RAPGEF1: variants seen among roughly 807,000 people sequenced by gnomAD.
The protein encoded by RAPGEF1 is Rap guanine nucleotide exchange factor 1.
RAPGEF1 carries 33 observed loss-of-function variants against 143.3 expected under a neutral mutation model. The observed-to-expected ratio is 0.23, with a 90% CI of 0.17 to 0.31. The LOEUF (loss-of-function observed/expected upper bound fraction) is 0.31. RAPGEF1 is among the 10% of genes least tolerant of loss of function. The pLI is 1.00. For synonymous variants in RAPGEF1, 629 were observed against 676.5 expected (o/e 0.93, Z 1.09); for missense variants, 1,199 against 1,645.4 (o/e 0.73, Z 4.69).
chr9:131,705,240 C>A (rs1340361089), intron 1 of RAPGEF1, among the ~76,000 whole-genome samples: 2 of 152,210 alleles, frequency 1.3e-5, no homozygotes, highest in African/African-American at 4.8e-5. Flanking sequence ...AGCAGGGAAA[C>A]TGCAGCCAGG....
chr9:131,649,724 C>T (rs1470748613), intron 3 of RAPGEF1, among the ~76,000 whole-genome samples: 2 of 152,190 alleles, frequency 1.3e-5, no homozygotes, highest in Non-Finnish European at 2.9e-5. Context: ...CTGCACTCCA[C>T]CAGCCTTGTG....
At chr9:131,579,809 T>C (rs1459036512) in intron 26 of RAPGEF1, among the ~76,000 whole-genome samples, 162 bp from the exon 27 acceptor site, 1 of 152,130 alleles carries the variant, frequency 6.6e-6, no homozygotes, top group Non-Finnish European at 1.5e-5. Context: ...GGGACACCAG[T>C]GCTCAGAGAC....
At chr9:131,733,978 AAC>A (rs1008137727) in intron 1 of RAPGEF1, among the ~76,000 whole-genome samples, 8 of 152,212 alleles carry the variant, frequency 5.3e-5, no homozygotes, top group African/African-American at 1.9e-4. Flanking sequence ...TTTTTCTAAA[AAC>A]ACACTTAGCT....
At position 131,605,063 on chromosome 9, in the gene RAPGEF1, G is replaced by C; in HGVS notation, c.2187C>G (p.Ser729Arg). The C allele has an allele frequency of 3.7e-6, 5 of 1,365,636 alleles. No individual in the cohort carries two copies. The highest frequency in any genetic ancestry group is 4.9e-6 in the Non-Finnish European group (5 of 1,021,558). 84.6% of individuals were successfully genotyped at this position (1,365,636 alleles called of 1,614,324 possible). ...PHFPPAHQSQ[S>R]SDLAVPTMAG... Reference sequence around the variant, plus strand: ...CCATGGTTGGCACGGCTAAGTCAGAGCTCTGAGACTGGTGGGCAGGTGGGA... The same window carrying C: ...CCATGGTTGGCACGGCTAAGTCAGACCTCTGAGACTGGTGGGCAGGTGGGA... The change falls in exon 13 of 27, where the codon AGC becomes AGG. Residue 729 changes from serine (S) to arginine (R), a missense_variant. Physicochemically the swap from Ser to Arg is moderately radical, Grantham distance 110. Transcript: ENST00000683357.
At chr9:131,586,309 A>AAC (rs574969723) in intron 22 of RAPGEF1, among the ~76,000 whole-genome samples, 6,244 of 45,416 alleles carry the variant, frequency 0.14, 621 homozygotes, top group African/African-American at 0.27. Context: ...CTCCGTCTCA[A>AAC]ACACACACAC....
At chr9:131,603,919 C>A in intron 14 of RAPGEF1, 42 bp downstream of exon 14, 1 of 1,227,736 alleles carries the variant, frequency 8.1e-7, no homozygotes, top group Non-Finnish European at 1.1e-6. Flanking sequence ...CCAAGCCCCA[C>A]CAGGCCAGGC....
chr9:131,642,083 C>T (rs926081547), intron 4 of RAPGEF1, among the ~76,000 whole-genome samples: 1 of 152,306 alleles, frequency 6.6e-6, no homozygotes, highest in East Asian at 1.9e-4. Flanking sequence ...ATGTGCCAGC[C>T]TCTTAAGAAA....
intron 5 of RAPGEF1, among the ~76,000 whole-genome samples, chr9:131,636,834 C>G (rs1264436932): frequency 1.3e-5 from 2 of 152,146 alleles, no homozygotes; most frequent in Non-Finnish European, 2.9e-5. Flanking sequence ...CCTCCAAATC[C>G]TGGAAAGGGC....
chr9:131,697,811 G>A (rs2131081793), intron 1 of RAPGEF1, among the ~76,000 whole-genome samples: 1 of 152,316 alleles, frequency 6.6e-6, no homozygotes, highest in African/African-American at 2.4e-5. Context: ...AGTCCAGTTG[G>A]TTGAAAAGAC....
At chr9:131,718,370 T>G (rs372421871) in intron 1 of RAPGEF1, among the ~76,000 whole-genome samples, 1 of 152,024 alleles carries the variant, frequency 6.6e-6, no homozygotes, top group Non-Finnish European at 1.5e-5. Flanking sequence ...CCCCAGGCAA[T>G]CATAAAGAGG....
At chr9:131,709,747 A>C in intron 1 of RAPGEF1, 1 of 1,610,974 alleles carries the variant, frequency 6.2e-7, no homozygotes, top group Non-Finnish European at 8.5e-7. Context: ...GCAACTGAGG[A>C]CCGAGTCACT....
intron 25 of RAPGEF1, among the ~76,000 whole-genome samples, chr9:131,581,098 C>T (rs185113122): frequency 1.3e-5 from 2 of 151,528 alleles, no homozygotes; most frequent in Admixed American, 6.6e-5. Flanking sequence ...GCCAAGATTG[C>T]GCCACTGCCT....
At chr9:131,614,070 C>A (rs1958478962) in intron 12 of RAPGEF1, among the ~76,000 whole-genome samples, 1 of 152,138 alleles carries the variant, frequency 6.6e-6, no homozygotes, top group African/African-American at 2.4e-5. Flanking sequence ...GCGGCACAGT[C>A]CTTTTCCCCA....
rs549321392 is a variant in RAPGEF1 at position 131,590,077 on chromosome 9, C to T, written c.2775-99G>A. Reference sequence around the variant, plus strand: ...CACTCACTGAGCGCTCACAATGTGCCCATCTTCCTGCATGTAAAGCACTGG... The same window carrying T: ...CACTCACTGAGCGCTCACAATGTGCTCATCTTCCTGCATGTAAAGCACTGG... On this transcript the variant is annotated intron_variant, in intron 18 of 26. Transcript: ENST00000683357. 1.5e-5 allele frequency: 16 copies of T among 1,053,634 alleles called. No individual in the cohort carries two copies. In the African/African-American group the frequency reaches 2.5e-4, roughly 16 times the overall value. The allele number at this position is 1,053,634 out of a possible 1,614,324, so 65.3% of individuals were successfully genotyped here. A position where few individuals can be genotyped will look rare whatever the true frequency, so the allele number is the denominator to read the frequency against.
intron 1 of RAPGEF1, among the ~76,000 whole-genome samples, chr9:131,690,814 A>T (rs748897695): frequency 2.0e-5 from 3 of 152,190 alleles, no homozygotes; most frequent in Admixed American, 6.5e-5. Flanking sequence ...AAATAAAATA[A>T]AAAGATGCTA....
At chr9:131,710,123 C>T (rs941575780) in intron 1 of RAPGEF1, among the ~76,000 whole-genome samples, 19 of 152,282 alleles carry the variant, frequency 1.2e-4, no homozygotes, top group Non-Finnish European at 2.5e-4. Flanking sequence ...CATTCTGGGG[C>T]ATGCCAGGAG....
intron 1 of RAPGEF1, among the ~76,000 whole-genome samples, chr9:131,676,808 T>C (rs1832425472): frequency 6.6e-6 from 1 of 152,264 alleles, no homozygotes; most frequent in South Asian, 2.1e-4. Flanking sequence ...TCCACAGGCA[T>C]TAGCCTAGTC....
chr9:131,719,553 C>CTTTTT (rs34413859), intron 1 of RAPGEF1, among the ~76,000 whole-genome samples: 37 of 72,412 alleles, frequency 5.1e-4, no homozygotes, highest in African/African-American at 6.2e-4. Context: ...CCCTTCAGGG[C>CTTTTT]TTTTTTTTTT....
chr9:131,669,692 C>G (rs146666132), intron 1 of RAPGEF1, among the ~76,000 whole-genome samples: 26 of 152,296 alleles, frequency 1.7e-4, no homozygotes, highest in African/African-American at 6.3e-4. Flanking sequence ...AAGAGCCCAC[C>G]CTGGTGCTAC....
Sources: gnomAD v4.1 joint callset for allele counts (sites outside exome capture counted in the v4.1 genomes callset) on GRCh38, gnomAD v4.1.1 for gene constraint, MANE v1.5 for transcripts, NCBI Gene and HGNC (gene_info 2026-07-23, HGNC 2026-07-21) for gene names.